Variants in PPP1R12B observed in about 807,000 individuals in gnomAD.
The protein encoded by PPP1R12B is myosin phosphatase target subunit 2.
PPP1R12B carries 76 observed loss-of-function variants against 126.1 expected under a neutral mutation model. The observed-to-expected ratio is 0.60, with a 90% CI of 0.50 to 0.73. The LOEUF (loss-of-function observed/expected upper bound fraction) is 0.73. Among genes scored for constraint, PPP1R12B ranks in the 30% least tolerant of loss-of-function variants. The pLI, the probability that PPP1R12B is intolerant of heterozygous loss-of-function variation, is 0.00. For synonymous variants in PPP1R12B, 356 were observed against 434.7 expected, an observed-to-expected ratio of 0.82 and a Z score of 2.25; for missense variants, 1,052 against 1,205.1, an observed-to-expected ratio of 0.87 and a Z score of 1.88.
intron 18 of PPP1R12B, among the ~76,000 whole-genome samples, chr1:202,512,311 A>G (rs1465452374): frequency 6.6e-6 from 1 of 152,246 alleles, no homozygotes; most frequent in Non-Finnish European, 1.5e-5. Flanking sequence ...CAGGTGAAAG[A>G]TAATGTGCTG....
chr1:202,359,208 G>C (rs1042875331), intron 1 of PPP1R12B, among the ~76,000 whole-genome samples: 2 of 151,600 alleles, frequency 1.3e-5, no homozygotes, highest in African/African-American at 2.4e-5. Context: ...GCAGTGGTGC[G>C]ATCTTGGCCC....
intron 13 of PPP1R12B, chr1:202,462,672 CA>C (rs1674465525): frequency 5.3e-6 from 4 of 755,106 alleles, no homozygotes; most frequent in Non-Finnish European, 3.2e-6. Context: ...TAGGAGGGAC[CA>C]AAATTTTCAG....
chr1:202,573,418 T>A (rs1688794458), intron 23 of PPP1R12B, among the ~76,000 whole-genome samples: 1 of 152,154 alleles, frequency 6.6e-6, no homozygotes, highest in African/African-American at 2.4e-5. Flanking sequence ...ACCTTTCATT[T>A]TCTTGCTTCT....
At chr1:202,427,410 G>A (rs534850644) in intron 5 of PPP1R12B, among the ~76,000 whole-genome samples, 58 of 152,198 alleles carry the variant, frequency 3.8e-4, no homozygotes, top group African/African-American at 1.3e-3. Flanking sequence ...TTATGTTCAA[G>A]CCTCTAAAAC....
intron 6 of PPP1R12B, among the ~76,000 whole-genome samples, chr1:202,429,776 TAGG>T (rs1669975910): frequency 2.0e-5 from 3 of 152,200 alleles, no homozygotes; most frequent in African/African-American, 7.2e-5. Flanking sequence ...AACTAAAGTT[TAGG>T]ACAAATGTGG....
intron 18 of PPP1R12B, among the ~76,000 whole-genome samples, chr1:202,510,795 TTTTA>T (rs921053282): frequency 6.6e-6 from 1 of 150,852 alleles, no homozygotes; most frequent in African/African-American, 2.4e-5. Context: ...AATACTCACA[TTTTA>T]TTTATTTATT....
chr1:202,409,347 G>C (rs924344069), intron 1 of PPP1R12B, among the ~76,000 whole-genome samples: 9 of 149,382 alleles, frequency 6.0e-5, no homozygotes, highest in Non-Finnish European at 1.0e-4. Context: ...TTTTGAGATG[G>C]AGTCTTGCTC....
intron 1 of PPP1R12B, among the ~76,000 whole-genome samples, chr1:202,392,479 A>G (rs985449760): frequency 9.2e-5 from 14 of 151,900 alleles, no homozygotes; most frequent in Non-Finnish European, 2.1e-4. Flanking sequence ...GAGGGAGGGT[A>G]AGAGGTTGAG....
chr1:202,377,463 C>T (rs1661381123), intron 1 of PPP1R12B, among the ~76,000 whole-genome samples: 1 of 151,860 alleles, frequency 6.6e-6, no homozygotes, highest in Non-Finnish European at 1.5e-5. Context: ...CCACCACGCC[C>T]GGCTAATTTT....
rs1162558028 is a variant in PPP1R12B, at chr1:202,565,716, T to C, written c.2757+1169T>C. Among the ~76,000 whole-genome samples, 3 of 152,342 alleles carry C rather than the reference T, an allele frequency of 2.0e-5. No homozygotes were observed. The East Asian group carries it at 5.8e-4, about 29-fold the overall frequency. On this transcript the variant is annotated intron_variant, in intron 21 of 23. Coordinates refer to ENST00000608999, the MANE Select transcript of PPP1R12B (RefSeq NM_002481.4). The surrounding 1 kb of genome is among the most constrained non-coding windows in gnomAD (Gnocchi z 4.3). ...TGATTATAGTAGCCCAACATGGCTC[T>C]ACTGGAAATTTCTGAGACTTACTGC...
chr1:202,394,765 A>G (rs1664692394), intron 1 of PPP1R12B, among the ~76,000 whole-genome samples: 1 of 152,052 alleles, frequency 6.6e-6, no homozygotes, highest in African/African-American at 2.4e-5. Context: ...AGAAAAAAAA[A>G]GGAAGGAAGG....
At chr1:202,517,206 T>C (rs1287764584) in intron 18 of PPP1R12B, among the ~76,000 whole-genome samples, 3 of 152,290 alleles carry the variant, frequency 2.0e-5, no homozygotes, top group Non-Finnish European at 4.4e-5. Flanking sequence ...TTAGAAGAAT[T>C]ATTAAAGGAA....
chr1:202,556,984 T>TTTTG (rs1237705218), intron 18 of PPP1R12B, among the ~76,000 whole-genome samples: 1 of 152,128 alleles, frequency 6.6e-6, no homozygotes, highest in Non-Finnish European at 1.5e-5. Context: ...CTTGGATACT[T>TTTTG]TTTGTTTGTT....
At chr1:202,374,229 A>G (rs778548335) in intron 1 of PPP1R12B, among the ~76,000 whole-genome samples, 3 of 152,144 alleles carry the variant, frequency 2.0e-5, no homozygotes, top group Admixed American at 6.6e-5. Flanking sequence ...TCTGTTTACT[A>G]TCTCAGTAAA....
intron 1 of PPP1R12B, among the ~76,000 whole-genome samples, chr1:202,350,724 G>A (rs1447136733): frequency 6.6e-6 from 1 of 151,554 alleles, no homozygotes; most frequent in East Asian, 1.9e-4. Context: ...GGTTTCAAGC[G>A]ATTCTCCTGC....
intron 3 of PPP1R12B, among the ~76,000 whole-genome samples, chr1:202,425,213 G>A (rs1669351800): frequency 6.6e-6 from 1 of 152,094 alleles, no homozygotes; most frequent in South Asian, 2.1e-4. Flanking sequence ...AGGATTGTTG[G>A]GAAACTAAAG....
intron 1 of PPP1R12B, among the ~76,000 whole-genome samples, chr1:202,408,735 G>A (rs112998238): frequency 2.0e-5 from 3 of 151,854 alleles, no homozygotes; most frequent in African/African-American, 7.3e-5. Context: ...CCATCAATGG[G>A]CTCTTCAATT....
intron 19 of PPP1R12B, 102 bp downstream of exon 19, chr1:202,558,995 T>C (rs1687246892): frequency 1.7e-6 from 2 of 1,190,198 alleles, no homozygotes; most frequent in Non-Finnish European, 2.3e-6. Context: ...GTTTCTCACA[T>C]CCTTTCCATC....
chr1:202,373,729 G>T (rs1335473165), intron 1 of PPP1R12B, among the ~76,000 whole-genome samples: 1 of 151,420 alleles, frequency 6.6e-6, no homozygotes, highest in Non-Finnish European at 1.5e-5. Flanking sequence ...TTAGTTTCCA[G>T]TAGCTTCTTT....
Sources: allele counts gnomAD v4.1 joint callset (sites outside exome capture counted in the v4.1 genomes callset), GRCh38; gene constraint gnomAD v4.1.1; non-coding constraint Gnocchi (gnomAD v3.1); transcripts MANE v1.5; gene names NCBI Gene and HGNC (gene_info 2026-07-23, HGNC 2026-07-21).